Variants in MIPEP observed in about 807,000 individuals in gnomAD.
MIPEP encodes mitochondrial intermediate peptidase.
MIPEP carries 79 observed loss-of-function variants against 90.3 expected under a neutral mutation model. The ratio of observed to expected loss-of-function variants is 0.87; its 90% CI spans 0.73 to 1.05. The LOEUF is 1.05. Among genes scored for constraint, MIPEP ranks in the 50% least tolerant of loss-of-function variants. MIPEP has a pLI of 0.00. For missense variants in MIPEP, 940 were observed against 905.6 expected (o/e 1.04, Z -0.49); for synonymous variants, 334 against 315.8 (o/e 1.06, Z -0.61).
rs1952786888 is a variant in MIPEP, at chr13:23,781,916, A to G, written c.1849-21699T>C. Among the ~76,000 whole-genome samples, 3 of 152,212 alleles carry G rather than the reference A, an allele frequency of 2.0e-5. No individual in the cohort carries two copies. In the South Asian group the frequency reaches 6.2e-4, roughly 32 times the overall value. On this transcript the variant is annotated intron_variant, in intron 16 of 18. Transcript: ENST00000382172. ...ACAAGAAGAGCTAACTATTTTAAAT[A>G]TATATGCACCCAATACAGGAGCACC...
At chr13:23,842,561 T>C (rs942962364) in intron 10 of MIPEP, 1 of 152,182 alleles carries the variant, frequency 6.6e-6, no homozygotes, top group Non-Finnish European at 1.5e-5. Flanking sequence ...TCAGCAAACC[T>C]GCGGGGTGCT....
At chr13:23,821,627 A>T (rs1256457582) in intron 14 of MIPEP, among the ~76,000 whole-genome samples, 1 of 152,210 alleles carries the variant, frequency 6.6e-6, no homozygotes, top group East Asian at 1.9e-4. Flanking sequence ...CTGGAACCAG[A>T]AAAGGAATGT....
chr13:23,731,302 T>C (rs1483451579), intron 18 of MIPEP, among the ~76,000 whole-genome samples: 2 of 152,226 alleles, frequency 1.3e-5, no homozygotes, highest in South Asian at 4.1e-4. Flanking sequence ...TATTGTTCTC[T>C]GAACCTGTAT....
At chr13:23,730,738 AC>A (rs1235072553) in intron 18 of MIPEP, among the ~76,000 whole-genome samples, 15 of 152,190 alleles carry the variant, frequency 9.9e-5, no homozygotes, top group African/African-American at 3.1e-4. Context: ...ACCCTTAGAG[AC>A]TGATATTAGA....
chr13:23,761,985 C>A (rs1049389730), intron 16 of MIPEP, among the ~76,000 whole-genome samples: 2 of 152,036 alleles, frequency 1.3e-5, no homozygotes, highest in African/African-American at 4.8e-5. Context: ...ATTAGCCAGG[C>A]GTGGCGGCAC....
At position 23,862,319 on chromosome 13, in the gene MIPEP, G is replaced by C; in HGVS notation, c.1036C>G (p.Leu346Val). ...FEMIRGMKMK[L>V]NPQNSEVMPW... ...ATACTTACGGAATTTTGAGGATTCA[G>C]TTTCATTTTCATCCCTCGTATCATC... is the stretch of plus-strand genomic sequence containing the variant. The change falls in exon 9 of 19, where the codon CTG becomes GTG. Residue 346 changes from leucine (L) to valine (V), a missense_variant. Coordinates refer to ENST00000382172, the MANE Select transcript of MIPEP (RefSeq NM_005932.4). 1 of 1,577,896 alleles carries C rather than the reference G, an allele frequency of 6.3e-7. No individual in the cohort carries two copies. The highest frequency in any genetic ancestry group is 8.7e-7 in the Non-Finnish European group (1 of 1,153,764).
chr13:23,764,917 T>C (rs191281372), intron 16 of MIPEP, among the ~76,000 whole-genome samples: 1 of 152,360 alleles, frequency 6.6e-6, no homozygotes, highest in Admixed American at 6.5e-5. Context: ...AGAAATGCTT[T>C]AGCTAAAATT....
intron 14 of MIPEP, among the ~76,000 whole-genome samples, chr13:23,834,536 G>C (rs896048371): frequency 2.6e-5 from 4 of 152,256 alleles, no homozygotes; most frequent in Admixed American, 1.3e-4. Context: ...TGGATGCTGA[G>C]AATGCAGACT....
chr13:23,802,315 C>T (rs1329391260), intron 16 of MIPEP, among the ~76,000 whole-genome samples: 1 of 152,138 alleles, frequency 6.6e-6, no homozygotes, highest in Non-Finnish European at 1.5e-5. Flanking sequence ...TGGCTCACAC[C>T]TGTAATCCTA....
chr13:23,797,672 G>T (rs760447477), intron 16 of MIPEP, among the ~76,000 whole-genome samples: 12 of 152,174 alleles, frequency 7.9e-5, no homozygotes, highest in Non-Finnish European at 1.6e-4. Context: ...GGTGTAGGTT[G>T]CCACATCATC....
chr13:23,742,371 T>C (rs753844218), intron 18 of MIPEP, among the ~76,000 whole-genome samples: 2 of 152,222 alleles, frequency 1.3e-5, no homozygotes, highest in Non-Finnish European at 2.9e-5. Context: ...GACCTCAGAC[T>C]AATCACTTAA....
chr13:23,764,506 T>C (rs892794593), intron 16 of MIPEP, among the ~76,000 whole-genome samples: 2 of 152,254 alleles, frequency 1.3e-5, no homozygotes, highest in Non-Finnish European at 2.9e-5. Flanking sequence ...AAGCACTCAG[T>C]AACTGTGTGC....
At chr13:23,823,746 T>A (rs1044407923) in intron 14 of MIPEP, among the ~76,000 whole-genome samples, 1 of 152,180 alleles carries the variant, frequency 6.6e-6, no homozygotes, top group African/African-American at 2.4e-5. Flanking sequence ...GAGGACTGCT[T>A]CAGCCCAAGA....
intron 16 of MIPEP, among the ~76,000 whole-genome samples, chr13:23,796,175 T>G (rs1488019850): frequency 1.3e-5 from 2 of 152,028 alleles, no homozygotes; most frequent in Admixed American, 6.5e-5. Context: ...TTCCAGCACT[T>G]TGGGAGGCCG....
intron 18 of MIPEP, among the ~76,000 whole-genome samples, chr13:23,732,510 C>A (rs574388552): frequency 6.6e-6 from 1 of 152,246 alleles, no homozygotes; most frequent in East Asian, 1.9e-4. Flanking sequence ...TTGAAACAAC[C>A]CAAGTTTCTA....
intron 12 of MIPEP, among the ~76,000 whole-genome samples, 198 bp from the exon 13 acceptor site, chr13:23,837,954 C>T (rs978458325): frequency 6.6e-6 from 1 of 152,078 alleles, no homozygotes; most frequent in African/African-American, 2.4e-5. Context: ...TTTTTTAAAA[C>T]ATCAAGAACA....
chr13:23,733,556 C>A (rs1392005822), intron 18 of MIPEP, among the ~76,000 whole-genome samples: 1 of 152,148 alleles, frequency 6.6e-6, no homozygotes, highest in African/African-American at 2.4e-5. Context: ...AGTGAGGACA[C>A]AGAGCTCAGG....
chr13:23,758,124 C>CAGGGGTGG, intron 17 of MIPEP, among the ~76,000 whole-genome samples: 1 of 152,158 alleles, frequency 6.6e-6, no homozygotes, highest in Non-Finnish European at 1.5e-5. Flanking sequence ...TGAGGTGGCG[C>CAGGGGTGG]CTCCCCTCAG....
chr13:23,791,054 A>AC (rs1952893560), intron 16 of MIPEP, among the ~76,000 whole-genome samples: 2 of 152,004 alleles, frequency 1.3e-5, no homozygotes, highest in Non-Finnish European at 2.9e-5. Flanking sequence ...CTCCAATCCC[A>AC]CTGGGACCTC....
Sources: gnomAD v4.1 joint callset for allele counts (sites outside exome capture counted in the v4.1 genomes callset) on GRCh38, gnomAD v4.1.1 for gene constraint, MANE v1.5 for transcripts, NCBI Gene and HGNC (gene_info 2026-07-23, HGNC 2026-07-21) for gene names.